Variants in CEP170B observed in about 807,000 individuals in gnomAD.
CEP170B encodes the protein centrosomal protein of 170 kDa protein B.
CEP170B carries 55 observed loss-of-function variants against 120.6 expected under a neutral mutation model. That is an observed-to-expected ratio of 0.46 (90% CI 0.37 to 0.57). The LOEUF is 0.57. CEP170B is among the 20% of genes least tolerant of loss of function. The pLI, the probability that CEP170B is intolerant of heterozygous loss-of-function variation, is 0.00. For missense variants in CEP170B, 2,212 were observed against 2,253.3 expected, an observed-to-expected ratio of 0.98 and a Z score of 0.37; for synonymous variants, 1,033 against 954.5, an observed-to-expected ratio of 1.08 and a Z score of -1.52.
intron 6 of CEP170B, among the ~76,000 whole-genome samples, chr14:104,881,221 G>A (rs566953269): frequency 2.0e-5 from 3 of 152,140 alleles, no homozygotes; most frequent in Non-Finnish European, 4.4e-5. Context: ...GGTCCGCGTG[G>A]GTCCGGTGGG....
chr14:104,889,863 T>C (rs1896702603), intron 13 of CEP170B, 105 bp downstream of exon 13: 12 of 1,218,446 alleles, frequency 9.8e-6, no homozygotes, highest in Admixed American at 6.6e-5. Context: ...CTTGAGTGGA[T>C]AGATGGTACG....
chr14:104,886,277 G>A lies in CEP170B; in HGVS notation c.2038G>A (p.Asp680Asn). The change falls in exon 12 of 19, where the codon GAT becomes AAT. Residue 680 changes from aspartate (D) to asparagine (N), a missense_variant and splice_region_variant. Transcript: ENST00000414716. ...CCGGCTGCCTTTGTGCTCCACAGAG[G>A]ATGGCCTGGGACGTAGAGGCGGGGA... The part of the protein sequence containing the change: ...DSYSDPGLTE[D>N]GLGRRGGEPE... 3 of 1,531,690 alleles carry A rather than the reference G, an allele frequency of 2.0e-6. No homozygotes were observed. The highest frequency in any genetic ancestry group is 2.6e-6 in the Non-Finnish European group (3 of 1,145,142). 94.9% of individuals were successfully genotyped at this position (1,531,690 alleles called of 1,614,324 possible). A position where few individuals can be genotyped will look rare whatever the true frequency, so the allele number is the denominator to read the frequency against.
chr14:104,883,724 G>A, intron 8 of CEP170B, 107 bp from the exon 9 acceptor site: 2 of 1,202,066 alleles, frequency 1.7e-6, no homozygotes, highest in Non-Finnish European at 2.3e-6. Context: ...CTGAGGGCTG[G>A]GGTGCTTTGT....
rs2841224 is a variant in CEP170B, at chr14:104,867,898, C to G, written c.-27-526C>G. On this transcript the variant is annotated intron_variant, in intron 1 of 18. Transcript: ENST00000414716. The surrounding 1 kb of genome is among the most constrained non-coding windows in gnomAD (Gnocchi z 5.4). ...CTGTCTCCAGCTCTGTCCCTGCTGC[C>G]CCTCACCCCAGGCCCTGCCTGGGGC... Among the ~76,000 whole-genome samples, 300 of 152,196 alleles carry G rather than the reference C, an allele frequency of 2.0e-3. 2 individuals are homozygous for G. Among genetic ancestry groups the G allele is most frequent in the African/African-American group, 7.0e-3 (290 of 41,530 alleles).
Position 104,893,564 on chromosome 14 carries a change from G to T in CEP170B, c.4080G>T (p.Lys1360Asn), listed in dbSNP as rs1896950398. Residue 1360 changes from lysine (K) to asparagine (N), a missense_variant, in exon 15 of 19, where the codon AAG becomes AAT. By Grantham distance (94) the Lys-to-Asn change is moderately conservative. Transcript: ENST00000414716. ...RIPEASLNFQ[K>N]VPPGSLNSRD... is the part of the protein sequence containing the mutation. ...CCGAGGCCAGCCTCAACTTCCAGAAGGTGCCGCCCGGCTCGCTGAACTCTC... is the reference window on the plus strand; with the variant it reads ...CCGAGGCCAGCCTCAACTTCCAGAATGTGCCGCCCGGCTCGCTGAACTCTC... 1 of 1,605,388 alleles carries T rather than the reference G, an allele frequency of 6.2e-7. No individual in the cohort carries two copies. Among genetic ancestry groups the T allele is most frequent in the Non-Finnish European group, 8.5e-7 (1 of 1,177,298 alleles).
intron 2 of CEP170B, among the ~76,000 whole-genome samples, chr14:104,872,351 T>TGGGTGTGC (rs1485154840): frequency 8.3e-6 from 1 of 120,636 alleles, no homozygotes; most frequent in African/African-American, 3.4e-5. Context: ...TGTGTGTGCG[T>TGGGTGTGC]GTGTGTGCCG....
chr14:104,868,568 C>A lies in CEP170B; in HGVS notation c.105+13C>A. On this transcript the variant is annotated intron_variant, in intron 2 of 18. Coordinates refer to ENST00000414716, the MANE Select transcript of CEP170B (RefSeq NM_001112726.3). This position sits in a 1 kb window ranked among gnomAD's most constrained non-coding sequence, Gnocchi z 5.9. ...GCTCATGCTACAGGTTTGCAGGGAG[C>A]GCTTGGGGCCAGGAGGGTAGGGGGT... 6.5e-7 allele frequency: 1 copy of A among 1,546,894 alleles called. No homozygotes were observed.
chr14:104,881,968 T>C (rs1896180630), intron 6 of CEP170B, among the ~76,000 whole-genome samples: 1 of 152,076 alleles, frequency 6.6e-6, no homozygotes, highest in African/African-American at 2.4e-5. Context: ...TGTAAGCAGC[T>C]GGGGGCCATG....
At chr14:104,880,015 C>T (rs567372031) in intron 5 of CEP170B, among the ~76,000 whole-genome samples, 4 of 152,272 alleles carry the variant, frequency 2.6e-5, no homozygotes, top group Middle Eastern at 3.4e-3. Context: ...AGGGCCCCCA[C>T]TCTGATGATC....
In CEP170B at chr14:104,883,527, G is replaced by A. The variant is rs1396783133; in HGVS notation, c.1051+19G>A. Reference sequence around the variant, plus strand: ...CTGAAGGGTGAGTGCCCAGCTGGCGGCCGTGCCAGTCCCGGGACAGGCAGG... The same window carrying A: ...CTGAAGGGTGAGTGCCCAGCTGGCGACCGTGCCAGTCCCGGGACAGGCAGG... On this transcript the variant is annotated intron_variant, in intron 8 of 18. Coordinates refer to ENST00000414716, the MANE Select transcript of CEP170B (RefSeq NM_001112726.3). 6.6e-7 allele frequency: 1 copy of A among 1,520,234 alleles called. No homozygotes were observed. The highest frequency in any genetic ancestry group is 2.0e-5 in the Admixed American group (1 of 49,606). 94.2% of individuals were successfully genotyped at this position (1,520,234 alleles called of 1,614,324 possible). A position where few individuals can be genotyped will look rare whatever the true frequency, so the allele number is the denominator to read the frequency against.
Position 104,886,661 on chromosome 14 carries a change from T to C in CEP170B, c.2422T>C (p.Leu808=). The C allele has an allele frequency of 1.3e-6, 2 of 1,536,164 alleles. No individual in the cohort carries two copies. Among genetic ancestry groups the C allele is most frequent in the Non-Finnish European group, 1.7e-6 (2 of 1,144,446 alleles). Residue 808 remains leucine, a synonymous_variant, in exon 12 of 19, where the codon TTA becomes CTA. Coordinates refer to ENST00000414716, the MANE Select transcript of CEP170B (RefSeq NM_001112726.3). ...TGGGGACCAGAATGGGGACGCTGTG[T>C]TATCTAGGAAACCGCTTGCGGCTCC... ...FIGDQNGDAV[L]SRKPLAAPGD...
chr14:104,879,764 T>TG (rs1896048052), intron 5 of CEP170B, among the ~76,000 whole-genome samples: 1 of 152,050 alleles, frequency 6.6e-6, no homozygotes, highest in African/African-American at 2.4e-5. Flanking sequence ...GGGGCCCCTG[T>TG]GGGGGGCGTG....
Position 104,886,715 on chromosome 14 carries a change from GCCCAGCCCAGC to G in CEP170B, c.2480_2490del (p.Gln827ProfsTer41). 1 of 1,597,882 alleles carries G rather than the reference GCCCAGCCCAGC, an allele frequency of 6.3e-7. No individual in the cohort carries two copies. Among genetic ancestry groups the G allele is most frequent in the African/African-American group, 1.3e-5 (1 of 74,792 alleles). The stretch of plus-strand genomic sequence containing the variant: ...GGATGGGGAGGGCCTAGGGCAGACA[GCCCAGCCCAGC>G]CCCCCAGCACGGGATGGCGTCTATG... On this transcript the variant is annotated frameshift_variant, in exon 12 of 19. Transcript: ENST00000414716. LOFTEE classifies it high-confidence loss of function.
In CEP170B at chr14:104,884,301, C is replaced by A; in HGVS notation, c.1522C>A (p.Leu508Met). Residue 508 changes from leucine (L) to methionine (M), a missense_variant, in exon 9 of 19, where the codon CTG (leucine) becomes ATG (methionine). By Grantham distance (15) the Leu-to-Met change is conservative. Transcript: ENST00000414716. ...GGCCCAGGACTTCATGGCCCAGTGT[C>A]TGCGGGAGAGCTCCCCGGCCGCCCG... ...RLAQDFMAQC[L>M]RESSPAARPS... The A allele has an allele frequency of 6.5e-7, 1 of 1,544,092 alleles. No homozygotes were observed.
In CEP170B at chr14:104,870,275, T is replaced by C. The variant is rs1895409548; in HGVS notation, c.105+1720T>C. 6.6e-6 allele frequency among the ~76,000 whole-genome samples: 1 copy of C among 152,236 alleles called. No individual in the cohort carries two copies. Among genetic ancestry groups the C allele is most frequent in the South Asian group, 2.1e-4 (1 of 4,828 alleles). On this transcript the variant is annotated intron_variant, in intron 2 of 18. Transcript: ENST00000414716. This position sits in a 1 kb window ranked among gnomAD's most constrained non-coding sequence, Gnocchi z 4.1. ...ATGTTGAAGTATCAATTTCCCATAATTTTCATGTGTCATGAAATAGCCTTT... is the reference window on the plus strand; with the variant it reads ...ATGTTGAAGTATCAATTTCCCATAACTTTCATGTGTCATGAAATAGCCTTT...
rs1566850547 is a variant in CEP170B, at chr14:104,870,506, T to A, written c.105+1951T>A. The stretch of plus-strand genomic sequence containing the variant: ...CTCTACCTAGGGTGGCTAGGAGGGC[T>A]TCTTGGAGGCGGCGGCACTTTGGAG... On this transcript the variant is annotated intron_variant, in intron 2 of 18. Transcript: ENST00000414716. This position sits in a 1 kb window ranked among gnomAD's most constrained non-coding sequence, Gnocchi z 4.1. Among the ~76,000 whole-genome samples the A allele has an allele frequency of 6.6e-6, 1 of 152,102 alleles. No individual in the cohort carries two copies. Among genetic ancestry groups the A allele is most frequent in the Non-Finnish European group, 1.5e-5 (1 of 67,998 alleles).
chr14:104,885,117 C>T (rs1413328551), intron 9 of CEP170B, among the ~76,000 whole-genome samples: 1 of 152,042 alleles, frequency 6.6e-6, no homozygotes, highest in East Asian at 1.9e-4. Flanking sequence ...AGCCCTGGCT[C>T]CTGCCTCTGG....
intron 12 of CEP170B, among the ~76,000 whole-genome samples, 190 bp downstream of exon 12, chr14:104,888,168 A>G (rs913254820): frequency 6.6e-6 from 1 of 152,208 alleles, no homozygotes; most frequent in Non-Finnish European, 1.5e-5. Flanking sequence ...GGCCGAGGGC[A>G]GGGCCCGCAG....
At chr14:104,889,805 C>A in intron 13 of CEP170B, 47 bp downstream of exon 13, 1 of 1,563,522 alleles carries the variant, frequency 6.4e-7, no homozygotes, top group Non-Finnish European at 8.7e-7. Context: ...AGTGCGTTTT[C>A]TTGAGTGAGA....
Sources: allele counts gnomAD v4.1 joint callset (sites outside exome capture counted in the v4.1 genomes callset), GRCh38; gene constraint gnomAD v4.1.1; non-coding constraint Gnocchi (gnomAD v3.1); transcripts MANE v1.5; gene names NCBI Gene and HGNC (gene_info 2026-07-23, HGNC 2026-07-21).